Variants in SPAG16 observed in about 807,000 individuals in gnomAD.
The protein encoded by SPAG16 is sperm associated antigen 16, also known as sperm-associated antigen 16 protein.
SPAG16 carries 86 observed loss-of-function variants against 80.4 expected under a neutral mutation model. The observed-to-expected ratio is 1.07, with a 90% confidence interval of 0.90 to 1.28. SPAG16 has a LOEUF of 1.28. SPAG16 is among the 50% of genes most tolerant of loss of function. SPAG16 has a pLI of 0.00. For missense variants in SPAG16, 870 were observed against 765.3 expected (o/e 1.14, Z -1.61); for synonymous variants, 294 against 265.9 (o/e 1.11, Z -1.03).
At chr2:213,288,695 A>T (rs963880484) in intron 1 of SPAG16, among the ~76,000 whole-genome samples, 1 of 151,806 alleles carries the variant, frequency 6.6e-6, no homozygotes, top group Non-Finnish European at 1.5e-5. Flanking sequence ...TAAAACATTT[A>T]GAAAGGTGGA....
intron 10 of SPAG16, among the ~76,000 whole-genome samples, chr2:213,787,180 G>A (rs2070393420): frequency 6.6e-6 from 1 of 152,180 alleles, no homozygotes; most frequent in East Asian, 1.9e-4. Context: ...GTTTACCTAT[G>A]TAACAAATCT....
chr2:214,270,295 A>C (rs899619418), intron 15 of SPAG16, among the ~76,000 whole-genome samples: 24 of 152,330 alleles, frequency 1.6e-4, no homozygotes, highest in African/African-American at 5.8e-4. Context: ...AGTATTTTAC[A>C]GTTCAAGCTT....
chr2:214,069,133 G>A (rs773839818), intron 13 of SPAG16, among the ~76,000 whole-genome samples: 10 of 152,036 alleles, frequency 6.6e-5, no homozygotes, highest in Non-Finnish European at 1.3e-4. Flanking sequence ...TCCTACATAA[G>A]ATAAAATGCA....
chr2:213,838,795 C>T (rs2074227269), intron 10 of SPAG16, among the ~76,000 whole-genome samples: 1 of 152,126 alleles, frequency 6.6e-6, no homozygotes, highest in South Asian at 2.1e-4. Flanking sequence ...CTACAACAGG[C>T]TCATTTGGGG....
intron 10 of SPAG16, among the ~76,000 whole-genome samples, chr2:213,574,935 CACCGAGG>C (rs1292568040): frequency 2.6e-5 from 4 of 152,030 alleles, no homozygotes; most frequent in Non-Finnish European, 4.4e-5. Context: ...CCCATTTGAT[CACCGAGG>C]ACAATGTATG....
chr2:214,308,846 A>G (rs1695100211), intron 15 of SPAG16, among the ~76,000 whole-genome samples: 1 of 152,102 alleles, frequency 6.6e-6, no homozygotes, highest in Admixed American at 6.6e-5. Context: ...ACCTTGGAGC[A>G]TATGAAGATT....
chr2:213,799,850 C>A (rs1221240006), intron 10 of SPAG16, among the ~76,000 whole-genome samples: 1 of 149,492 alleles, frequency 6.7e-6, no homozygotes, highest in Non-Finnish European at 1.5e-5. Context: ...CAATAGGAAA[C>A]ATATAACTAC....
intron 14 of SPAG16, among the ~76,000 whole-genome samples, chr2:214,145,037 T>C (rs2055568224): frequency 2.0e-5 from 3 of 152,132 alleles, no homozygotes; most frequent in Non-Finnish European, 2.9e-5. Context: ...GTTTGAAATA[T>C]TTGTTTTAAA....
At chr2:213,650,540 GA>G (rs2125144611) in intron 10 of SPAG16, among the ~76,000 whole-genome samples, 1 of 152,286 alleles carries the variant, frequency 6.6e-6, no homozygotes, top group African/African-American at 2.4e-5. Context: ...AGGGGAATAG[GA>G]AGGGGAAAAA....
chr2:213,778,882 C>G (rs889636436), intron 10 of SPAG16, among the ~76,000 whole-genome samples: 1 of 152,244 alleles, frequency 6.6e-6, no homozygotes, highest in East Asian at 1.9e-4. Flanking sequence ...CCTTCTTTGG[C>G]CCCTTAATTA....
At chr2:213,759,507 C>A (rs769630067) in intron 10 of SPAG16, among the ~76,000 whole-genome samples, 1 of 151,210 alleles carries the variant, frequency 6.6e-6, no homozygotes, top group Non-Finnish European at 1.5e-5. Context: ...GGGAATGGAG[C>A]TTTTGAAGGA....
At chr2:214,039,962 G>T (rs1191276489) in intron 13 of SPAG16, among the ~76,000 whole-genome samples, 1 of 152,156 alleles carries the variant, frequency 6.6e-6, no homozygotes, top group Admixed American at 6.5e-5. Flanking sequence ...ACAGTCATAG[G>T]GTTGTAGAAA....
At chr2:213,445,854 T>C (rs189225516) in intron 9 of SPAG16, among the ~76,000 whole-genome samples, 2 of 152,270 alleles carry the variant, frequency 1.3e-5, no homozygotes, top group Admixed American at 6.5e-5. Context: ...GTTGGTGGAA[T>C]GTAAATTAAC....
chr2:213,769,677 CTT>C (rs1044121983), intron 10 of SPAG16, among the ~76,000 whole-genome samples: 13 of 152,298 alleles, frequency 8.5e-5, no homozygotes, highest in African/African-American at 2.6e-4. Context: ...TACCTAATAT[CTT>C]TTAAATATGT....
chr2:213,334,165 TTTCTC>T (rs1248027118), intron 5 of SPAG16, among the ~76,000 whole-genome samples: 2 of 152,130 alleles, frequency 1.3e-5, no homozygotes, highest in Non-Finnish European at 2.9e-5. Context: ...TGAACAGACT[TTTCTC>T]TAAAGACATA....
rs138826867 is a variant in SPAG16 at position 213,306,102 on chromosome 2, T to C, written c.280-3957T>C. 1.1e-3 allele frequency among the ~76,000 whole-genome samples: 170 copies of C among 152,180 alleles called. 2 individuals carry two copies. Among genetic ancestry groups the C allele is most frequent in the African/African-American group, 3.7e-3 (152 of 41,518 alleles). On this transcript the variant is annotated intron_variant, in intron 3 of 15. Transcript: ENST00000331683. Reference sequence around the variant, plus strand: ...TGTCCAGGAATTTATCCATTTCTTCTAGGCTTTCCAATTTACTGGCACGTA... The same window carrying C: ...TGTCCAGGAATTTATCCATTTCTTCCAGGCTTTCCAATTTACTGGCACGTA...
In SPAG16 at chr2:213,490,059, A is replaced by C; in HGVS notation, c.1039A>C (p.Ile347Leu). ...AAAATTTGACTACAAGCTGAAAAAC[A>C]TTTTTAGACTCCATGAACTTCCAGT... is the stretch of plus-strand genomic sequence containing the variant. ...PAKFDYKLKN[I>L]FRLHELPVSC... The change falls in exon 10 of 16, where the codon ATT becomes CTT. Residue 347 changes from isoleucine (I) to leucine (L), a missense_variant. Ile to Leu is a conservative substitution (Grantham distance 5, BLOSUM62 2). Transcript: ENST00000331683. 6.2e-7 allele frequency: 1 copy of C among 1,605,114 alleles called. No individual in the cohort carries two copies. Among genetic ancestry groups the C allele is most frequent in the Non-Finnish European group, 8.5e-7 (1 of 1,176,058 alleles).
intron 10 of SPAG16, among the ~76,000 whole-genome samples, chr2:213,586,438 G>T (rs75386345): frequency 0.013 from 2,000 of 152,206 alleles, 20 homozygotes; most frequent in South Asian, 0.036. Flanking sequence ...ACCACCCAAA[G>T]GCACCACCTC....
chr2:213,966,612 T>G (rs2044723143), intron 12 of SPAG16, among the ~76,000 whole-genome samples: 1 of 152,240 alleles, frequency 6.6e-6, no homozygotes, highest in Non-Finnish European at 1.5e-5. Flanking sequence ...ACTTGTATTT[T>G]CTTTGACACA....
Sources: gnomAD v4.1 joint callset for allele counts (sites outside exome capture counted in the v4.1 genomes callset) on GRCh38, gnomAD v4.1.1 for gene constraint, MANE v1.5 for transcripts, NCBI Gene and HGNC (gene_info 2026-07-23, HGNC 2026-07-21) for gene names.